Variants in FOXP2 observed in about 807,000 individuals in gnomAD.
The protein encoded by FOXP2 is forkhead box protein P2.
Under a neutral mutation model 115.8 loss-of-function variants are expected in FOXP2, and 12 were observed. That is an observed-to-expected ratio of 0.10 (90% CI 0.07 to 0.17). The LOEUF (loss-of-function observed/expected upper bound fraction) is 0.17. FOXP2 is among the 10% of genes least tolerant of loss of function. The pLI is 1.00. For missense variants in FOXP2, 629 were observed against 843.5 expected (o/e 0.75, Z 3.15); for synonymous variants, 328 against 297.7 (o/e 1.10, Z -1.05).
intron 1 of FOXP2, among the ~76,000 whole-genome samples, chr7:114,420,942 G>A (rs913878516): frequency 2.0e-5 from 3 of 151,602 alleles, no homozygotes; most frequent in Non-Finnish European, 4.4e-5. Flanking sequence ...TTATATGAAT[G>A]TGAAGACAAG....
At chr7:114,399,510 A>G (rs1477189191) in intron 2 of FOXP2, among the ~76,000 whole-genome samples, 3 of 152,166 alleles carry the variant, frequency 2.0e-5, no homozygotes, top group African/African-American at 7.2e-5. Context: ...TAGATTTTGC[A>G]AAACTTTTCC....
At chr7:114,357,641 G>A (rs188885388) in intron 2 of FOXP2, among the ~76,000 whole-genome samples, 1 of 152,258 alleles carries the variant, frequency 6.6e-6, no homozygotes, top group African/African-American at 2.4e-5. Context: ...GAAGCCTTCA[G>A]TAAATGCCTT....
intron 1 of FOXP2, among the ~76,000 whole-genome samples, chr7:114,210,948 G>C (rs1334538130): frequency 6.6e-6 from 1 of 152,184 alleles, no homozygotes; most frequent in Non-Finnish European, 1.5e-5. Flanking sequence ...GTGCTGCATT[G>C]TGGGGTCCCT....
chr7:114,546,327 CT>C (rs1432308420), intron 3 of FOXP2, among the ~76,000 whole-genome samples: 1 of 152,204 alleles, frequency 6.6e-6, no homozygotes, highest in Non-Finnish European at 1.5e-5. Flanking sequence ...AAAAATTGCC[CT>C]GTTCTTCAAC....
chr7:114,325,066 T>C (rs1468432469), intron 2 of FOXP2, among the ~76,000 whole-genome samples: 2 of 151,932 alleles, frequency 1.3e-5, no homozygotes, highest in Non-Finnish European at 2.9e-5. Flanking sequence ...TTTATGTTCT[T>C]ACATTAAACT....
At chr7:114,088,228 G>A (rs1283313177) in intron 1 of FOXP2, 1 of 151,780 alleles carries the variant, frequency 6.6e-6, no homozygotes, top group Non-Finnish European at 1.5e-5. Context: ...TTCGCTCCCT[G>A]GTGGGCAGGC....
intron 1 of FOXP2, among the ~76,000 whole-genome samples, chr7:114,243,889 T>A (rs1795213684): frequency 6.6e-6 from 1 of 151,302 alleles, no homozygotes; most frequent in Non-Finnish European, 1.5e-5. Context: ...CCTTCCAGGC[T>A]AAGGTAACAA....
chr7:114,523,691 G>A (rs1205205653), intron 2 of FOXP2, among the ~76,000 whole-genome samples: 1 of 152,100 alleles, frequency 6.6e-6, no homozygotes, highest in East Asian at 1.9e-4. Context: ...TTCTTCGACT[G>A]TCTTTTTGCA....
chr7:114,443,671 G>T (rs1031234070), intron 2 of FOXP2, among the ~76,000 whole-genome samples: 2 of 152,144 alleles, frequency 1.3e-5, no homozygotes, highest in African/African-American at 4.8e-5. Flanking sequence ...AGAACATGCA[G>T]TATTTGGTTT....
intron 2 of FOXP2, among the ~76,000 whole-genome samples, chr7:114,366,120 A>G (rs1286925646): frequency 6.6e-6 from 1 of 152,150 alleles, no homozygotes; most frequent in African/African-American, 2.4e-5. Flanking sequence ...CTCATGCTCA[A>G]GGAAGGCTTT....
intron 3 of FOXP2, among the ~76,000 whole-genome samples, chr7:114,602,461 A>G (rs1803080166): frequency 6.6e-6 from 1 of 152,056 alleles, no homozygotes; most frequent in Non-Finnish European, 1.5e-5. Flanking sequence ...TAACATTTTT[A>G]CTCATGACTT....
chr7:114,421,495 A>T (rs1793616412), intron 1 of FOXP2, among the ~76,000 whole-genome samples: 1 of 151,484 alleles, frequency 6.6e-6, no homozygotes, highest in African/African-American at 2.4e-5. Flanking sequence ...GAAAGTCTGA[A>T]TTTTTACTAA....
rs3997242 is a variant in FOXP2 at position 114,536,397 on chromosome 7, C to CT, written c.258+1712dup. The stretch of plus-strand genomic sequence containing the variant: ...ATGGCTGGGCTTTAGTTTTTCTTTT[C>CT]TTTTTTTTTTTTTTTTTTTTTGTTG... On this transcript the variant is annotated intron_variant, in intron 3 of 16. Coordinates refer to ENST00000350908, the MANE Select transcript of FOXP2 (RefSeq NM_014491.4). 9.8e-3 allele frequency among the ~76,000 whole-genome samples: 1,087 copies of CT among 111,356 alleles called. 1 individual carries two copies. The highest frequency in any genetic ancestry group is 0.014 in the Middle Eastern group (3 of 208). 73.1% of individuals were successfully genotyped at this position (111,356 alleles called of 152,430 possible). A position where few individuals can be genotyped will look rare whatever the true frequency, so the allele number is the denominator to read the frequency against.
At chr7:114,298,089 A>G (rs1796788382) in intron 2 of FOXP2, among the ~76,000 whole-genome samples, 1 of 152,154 alleles carries the variant, frequency 6.6e-6, no homozygotes, top group Non-Finnish European at 1.5e-5. Context: ...ACTTGCCCTC[A>G]GGAAATCGTG....
At chr7:114,321,607 A>C (rs1584634710) in intron 2 of FOXP2, among the ~76,000 whole-genome samples, 1 of 152,292 alleles carries the variant, frequency 6.6e-6, no homozygotes, top group East Asian at 1.9e-4. Context: ...ATCCCAAGGC[A>C]TTATTCTCTA....
At chr7:114,442,467 T>G (rs1390415658) in intron 2 of FOXP2, among the ~76,000 whole-genome samples, 1 of 152,108 alleles carries the variant, frequency 6.6e-6, no homozygotes, top group Non-Finnish European at 1.5e-5. Flanking sequence ...TGAATTCTGT[T>G]TTTAAGACAG....
intron 2 of FOXP2, among the ~76,000 whole-genome samples, chr7:114,346,026 G>A (rs189424032): frequency 6.6e-6 from 1 of 151,622 alleles, no homozygotes; most frequent in Non-Finnish European, 1.5e-5. Flanking sequence ...TATTCACAAA[G>A]ATAATTGATT....
chr7:114,209,046 C>T (rs984034960), intron 1 of FOXP2, among the ~76,000 whole-genome samples: 5 of 152,182 alleles, frequency 3.3e-5, no homozygotes, highest in Admixed American at 2.6e-4. Context: ...CAAATATCAT[C>T]TTGAATTGTA....
intron 3 of FOXP2, among the ~76,000 whole-genome samples, chr7:114,591,850 T>C (rs1432508821): frequency 6.6e-6 from 1 of 152,124 alleles, no homozygotes; most frequent in Non-Finnish European, 1.5e-5. Flanking sequence ...TCTACAATGA[T>C]GAGTATATTC....
Sources: allele counts gnomAD v4.1 joint callset (sites outside exome capture counted in the v4.1 genomes callset), GRCh38; gene constraint gnomAD v4.1.1; transcripts MANE v1.5; gene names NCBI Gene and HGNC (gene_info 2026-07-23, HGNC 2026-07-21).